Variants in SUGT1 observed in about 807,000 individuals in gnomAD.
SUGT1 encodes the protein SGT1 assembly cochaperone of MIS12 kinetochore complex.
A neutral mutation model predicts 56.1 loss-of-function variants in SUGT1; 15 were observed. The ratio of observed to expected loss-of-function variants is 0.27; its 90% confidence interval spans 0.18 to 0.41. The LOEUF is 0.41. Ranked by LOEUF, SUGT1 falls within the 10% of genes least tolerant of loss-of-function variation. SUGT1 has a pLI of 1.00. For synonymous variants in SUGT1, 123 were observed against 128.6 expected, an observed-to-expected ratio of 0.96 and a Z score of 0.30; for missense variants, 347 against 382.2, an observed-to-expected ratio of 0.91 and a Z score of 0.77.
chr13:52,681,408 C>G (rs1194228568), intron 12 of SUGT1, among the ~76,000 whole-genome samples: 2 of 149,266 alleles, frequency 1.3e-5, no homozygotes, highest in Non-Finnish European at 3.0e-5. Context: ...CAACAGAGAC[C>G]CTGTCTCAAA....
chr13:52,654,881 A>G (rs1014653862), intron 2 of SUGT1, among the ~76,000 whole-genome samples: 2 of 152,246 alleles, frequency 1.3e-5, no homozygotes, highest in African/African-American at 2.4e-5. Context: ...ATTAGCTAAC[A>G]AAAAGCTTCT....
chr13:52,665,677 C>T lies in SUGT1; in HGVS notation c.463C>T (p.Leu155Phe), dbSNP rs1324725799. ...AACAGAATCTCAAGTAGTCATTACACTTATGATCAAGAATGTTCAGAAGAA... is the reference window on the plus strand; with the variant it reads ...AACAGAATCTCAAGTAGTCATTACATTTATGATCAAGAATGTTCAGAAGAA... Reference protein sequence around the residue: ...YQTESQVVITLMIKNVQKNDV... With the variant: ...YQTESQVVITFMIKNVQKNDV... Residue 155 changes from leucine (L) to phenylalanine (F), a missense_variant, in exon 9 of 13, where the codon CTT becomes TTT. Leu to Phe is a conservative substitution (Grantham distance 22). Transcript: ENST00000310528. 5 of 1,606,082 alleles carry T rather than the reference C, an allele frequency of 3.1e-6. No individual in the cohort carries two copies. The highest frequency in any genetic ancestry group is 1.7e-4 in the Middle Eastern group (1 of 5,956).
chr13:52,672,282 A>G (rs940364396), intron 10 of SUGT1, among the ~76,000 whole-genome samples: 8 of 152,154 alleles, frequency 5.3e-5, no homozygotes, highest in Non-Finnish European at 1.2e-4. Flanking sequence ...ACATACTGGA[A>G]TCTTTTTGTT....
At chr13:52,657,450 C>A in intron 2 of SUGT1, 82 bp from the exon 3 acceptor site, 1 of 1,179,532 alleles carries the variant, frequency 8.5e-7, no homozygotes, top group Non-Finnish European at 1.2e-6. Flanking sequence ...CAATAAGTTA[C>A]TTGATTAAAA....
In SUGT1 at chr13:52,695,870, A is replaced by G. The variant is rs1159030573; in HGVS notation, c.*8035A>G. On this transcript the variant is annotated 3_prime_UTR_variant, in exon 13 of 13. Transcript: ENST00000310528. ...TTTTCTGCCCCTCCTGGGCATCTCC[A>G]GTTTCCTACTGATGTGTCAAAACTG... is the stretch of plus-strand genomic sequence containing the variant. The G allele has an allele frequency of 6.6e-6, 1 of 152,136 alleles. No individual in the cohort carries two copies. The highest frequency in any genetic ancestry group is 1.5e-5 in the Non-Finnish European group (1 of 68,020). The allele number at this position is 152,136 out of a possible 1,614,324, so 9.4% of individuals were successfully genotyped here.
In SUGT1 at chr13:52,700,829, TAA is replaced by T. The variant is rs1336563434; in HGVS notation, c.*12995_*12996del. On this transcript the variant is annotated 3_prime_UTR_variant, in exon 13 of 13. Coordinates refer to ENST00000310528, the MANE Select transcript of SUGT1 (RefSeq NM_006704.5). ...TATTTAGCTTATACAGAAATAAAATTAAGTCAATCCACTCACAAAGAATTTCT... is the reference window on the plus strand; with the variant it reads ...TATTTAGCTTATACAGAAATAAAATTGTCAATCCACTCACAAAGAATTTCT... 1 of 152,170 alleles carries T rather than the reference TAA, an allele frequency of 6.6e-6. No homozygotes were observed. The highest frequency in any genetic ancestry group is 2.4e-5 in the African/African-American group (1 of 41,446). 9.4% of individuals were successfully genotyped at this position (152,170 alleles called of 1,614,324 possible). A position where few individuals can be genotyped will look rare whatever the true frequency, so the allele number is the denominator to read the frequency against.
chr13:52,676,665 A>G (rs1026536844), intron 11 of SUGT1, among the ~76,000 whole-genome samples: 4 of 152,016 alleles, frequency 2.6e-5, no homozygotes, highest in East Asian at 1.9e-4. Flanking sequence ...CGGCGGATAT[A>G]TTTCCCCTTC....
intron 12 of SUGT1, among the ~76,000 whole-genome samples, chr13:52,680,661 C>T (rs980098298): frequency 5.9e-5 from 9 of 152,132 alleles, no homozygotes; most frequent in African/African-American, 2.2e-4. Context: ...GTATATTTAG[C>T]TTGCAGTTGT....
intron 12 of SUGT1, among the ~76,000 whole-genome samples, chr13:52,685,256 C>CTTTTTTTTT (rs59104304): frequency 1.1e-5 from 1 of 87,734 alleles, no homozygotes; most frequent in African/African-American, 4.5e-5. Flanking sequence ...TCTTCTTCTT[C>CTTTTTTTTT]TTTTTTTTTT....
chr13:52,659,247 A>C lies in SUGT1; in HGVS notation c.326A>C (p.Asp109Ala). The stretch of plus-strand genomic sequence containing the variant: ...ACTTTTACAGAAGGACAAAAATTAG[A>C]TAGTAAGTATTAAAAATTATACTTT... ...LETFTEGQKLDSADANFSVWI... is the reference protein window; with the variant it reads ...LETFTEGQKLASADANFSVWI... Residue 109 changes from aspartate to alanine, a missense_variant and splice_region_variant, in exon 5 of 13, where the codon GAT (aspartate) becomes GCT (alanine). Coordinates refer to ENST00000310528, the MANE Select transcript of SUGT1 (RefSeq NM_006704.5). 1 of 1,464,032 alleles carries C rather than the reference A, an allele frequency of 6.8e-7. No individual in the cohort carries two copies. The highest frequency in any genetic ancestry group is 9.0e-7 in the Non-Finnish European group (1 of 1,105,126). 90.7% of individuals were successfully genotyped at this position (1,464,032 alleles called of 1,614,324 possible).
chr13:52,662,547 G>A (rs1040636281), intron 5 of SUGT1, 102 bp from the exon 6 acceptor site: 7 of 1,184,418 alleles, frequency 5.9e-6, no homozygotes, highest in Non-Finnish European at 8.6e-6. Flanking sequence ...CGACTCCCCA[G>A]TGCCTAGAAC....
At chr13:52,662,812 A>G (rs753378235) in intron 6 of SUGT1, 110 bp downstream of exon 6, 283 of 1,142,934 alleles carry the variant, frequency 2.5e-4, no homozygotes, top group Non-Finnish European at 3.2e-4. Context: ...TTTAAATAGT[A>G]TACGTTTCCT....
At position 52,688,258 on chromosome 13, in the gene SUGT1, T is replaced by G. The variant is rs886459069; in HGVS notation, c.*423T>G. On this transcript the variant is annotated 3_prime_UTR_variant, in exon 13 of 13. Transcript: ENST00000310528. ...CATTGTGTTTGCTTTTAAAAACTGC[T>G]TTTGAATGGAGTTGTAAATACAATT... 6.5e-6 allele frequency: 1 copy of G among 152,734 alleles called. No homozygotes were observed. Among genetic ancestry groups the G allele is most frequent in the African/African-American group, 2.4e-5 (1 of 41,470 alleles). 9.5% of individuals were successfully genotyped at this position (152,734 alleles called of 1,614,324 possible).
chr13:52,680,956 C>T (rs1963348110), intron 12 of SUGT1, among the ~76,000 whole-genome samples: 1 of 152,092 alleles, frequency 6.6e-6, no homozygotes, highest in African/African-American at 2.4e-5. Flanking sequence ...ATTTTCCTAC[C>T]TCAGCCTCTG....
At position 52,696,392 on chromosome 13, in the gene SUGT1, G is replaced by T. The variant is rs1457480797; in HGVS notation, c.*8557G>T. ...TGCCTCTATTTATGACACCTTCATG[G>T]TGTCACATGTTATAGGGTTAGTTGC... On this transcript the variant is annotated 3_prime_UTR_variant, in exon 13 of 13. Transcript: ENST00000310528. The T allele has an allele frequency of 6.6e-6, 1 of 152,106 alleles. No individual in the cohort carries two copies. The highest frequency in any genetic ancestry group is 1.5e-5 in the Non-Finnish European group (1 of 68,034). The allele number at this position is 152,106 out of a possible 1,614,324, so 9.4% of individuals were successfully genotyped here. A position where few individuals can be genotyped will look rare whatever the true frequency, so the allele number is the denominator to read the frequency against.
chr13:52,661,608 G>A (rs979634387), intron 5 of SUGT1: 1 of 418,094 alleles, frequency 2.4e-6, no homozygotes, highest in African/African-American at 2.1e-5. Context: ...CTGGGAAAAA[G>A]TTAAGTTAAA....
chr13:52,694,993 G>A lies in SUGT1; in HGVS notation c.*7158G>A, dbSNP rs7992165. The A allele has an allele frequency of 0.96, 145,833 of 152,430 alleles. 69,780 individuals are homozygous for A. The highest frequency in any genetic ancestry group is 0.99 in the East Asian group (5,147 of 5,190). The allele number at this position is 152,430 out of a possible 1,614,324, so 9.4% of individuals were successfully genotyped here. Reference sequence around the variant, plus strand: ...GTGAGCCACCATGCCCAGCCTGCTGGTAGATGTTTTTATGAGTTAATTCAT... The same window carrying A: ...GTGAGCCACCATGCCCAGCCTGCTGATAGATGTTTTTATGAGTTAATTCAT... On this transcript the variant is annotated 3_prime_UTR_variant, in exon 13 of 13. Transcript: ENST00000310528.
chr13:52,670,390 A>G (rs1962880274), intron 10 of SUGT1, among the ~76,000 whole-genome samples: 1 of 152,154 alleles, frequency 6.6e-6, no homozygotes, highest in African/African-American at 2.4e-5. Context: ...AAGAAACTAT[A>G]TGTCTTTCAT....
intron 11 of SUGT1, among the ~76,000 whole-genome samples, chr13:52,679,320 A>G (rs1257527649): frequency 1.3e-5 from 2 of 152,230 alleles, no homozygotes; most frequent in African/African-American, 2.4e-5. Context: ...GTGCCCTACA[A>G]ATACTATTAT....
Sources: gnomAD v4.1 joint callset for allele counts (sites outside exome capture counted in the v4.1 genomes callset) on GRCh38, gnomAD v4.1.1 for gene constraint, MANE v1.5 for transcripts, NCBI Gene and HGNC (gene_info 2026-07-23, HGNC 2026-07-21) for gene names.